Variants in SMIM10L3 observed in about 807,000 individuals in gnomAD.
SMIM10L3 encodes small integral membrane protein 10 like 3.
At chr7:6,335,887 G>A in the SMIM10L3 span, among the ~76,000 whole-genome samples, 1 of 151,404 alleles carries the variant, frequency 6.6e-6, no homozygotes, top group East Asian at 1.9e-4. Context: ...AATTTTAAAA[G>A]AGTGGCCGGG....
chr7:6,333,772 C>CTTTT, the SMIM10L3 span, among the ~76,000 whole-genome samples: 2 of 125,076 alleles, frequency 1.6e-5, no homozygotes, highest in African/African-American at 2.9e-5. Flanking sequence ...GAACAAGTGT[C>CTTTT]TTTTTTTTTT....
chr7:6,347,871 T>C, the SMIM10L3 span, among the ~76,000 whole-genome samples: 1 of 139,602 alleles, frequency 7.2e-6, no homozygotes, highest in African/African-American at 2.7e-5. Context: ...CTGGGCAACA[T>C]AACGAGACCC....
At chr7:6,343,662 G>T in the SMIM10L3 span, among the ~76,000 whole-genome samples, 1 of 151,836 alleles carries the variant, frequency 6.6e-6, no homozygotes, top group African/African-American at 2.4e-5. Context: ...AGGCTTGCTT[G>T]CAAATAGTAT....
chr7:6,330,597 A>G, the SMIM10L3 span: 1 of 1,614,150 alleles, frequency 6.2e-7, no homozygotes, highest in East Asian at 2.2e-5. Flanking sequence ...AGTGCAGGCA[A>G]GCGGGTTCCA....
At chr7:6,348,707 C>A in the SMIM10L3 span, 2 of 425,696 alleles carry the variant, frequency 4.7e-6, no homozygotes, top group Non-Finnish European at 8.3e-6. Flanking sequence ...TAGGAGCGGG[C>A]GGCGGCCGAG....
At chr7:6,344,254 G>A in the SMIM10L3 span, among the ~76,000 whole-genome samples, 2 of 151,914 alleles carry the variant, frequency 1.3e-5, no homozygotes, top group Admixed American at 6.6e-5. Flanking sequence ...CTTCAAATCA[G>A]GTAAGTTAGT....
At chr7:6,343,801 G>A in the SMIM10L3 span, among the ~76,000 whole-genome samples, 1 of 152,058 alleles carries the variant, frequency 6.6e-6, no homozygotes, top group African/African-American at 2.4e-5. Context: ...ATCTAGGGAG[G>A]AGGGGCTCCC....
the SMIM10L3 span, among the ~76,000 whole-genome samples, chr7:6,343,363 G>A: frequency 7.0e-6 from 1 of 143,552 alleles, no homozygotes; most frequent in South Asian, 2.1e-4. Flanking sequence ...AGCCACAAGA[G>A]TGAAACTCCG....
At chr7:6,332,035 C>G in the SMIM10L3 span, among the ~76,000 whole-genome samples, 28 of 151,212 alleles carry the variant, frequency 1.9e-4, 1 homozygote, top group Admixed American at 1.7e-3. Flanking sequence ...TCGCTTGAAC[C>G]CAGGAGGTGG....
chr7:6,341,027 C>T, the SMIM10L3 span, among the ~76,000 whole-genome samples: 1 of 149,672 alleles, frequency 6.7e-6, no homozygotes, highest in South Asian at 2.1e-4. Context: ...ACCTACAGTC[C>T]CAGCTACTCG....
chr7:6,332,210 T>C, the SMIM10L3 span, among the ~76,000 whole-genome samples: 1 of 152,108 alleles, frequency 6.6e-6, no homozygotes, highest in African/African-American at 2.4e-5. Context: ...TATGTAATTT[T>C]ATAGGGACCA....
At chr7:6,339,115 A>G in the SMIM10L3 span, among the ~76,000 whole-genome samples, 1 of 152,212 alleles carries the variant, frequency 6.6e-6, no homozygotes, top group African/African-American at 2.4e-5. Flanking sequence ...CTGAATCATG[A>G]TCACAAGGAA....
chr7:6,333,360 A>G, the SMIM10L3 span, among the ~76,000 whole-genome samples: 1 of 152,092 alleles, frequency 6.6e-6, no homozygotes, highest in African/African-American at 2.4e-5. Context: ...TTTCAGATAA[A>G]TTATTCTGGC....
At chr7:6,338,257 T>C in the SMIM10L3 span, among the ~76,000 whole-genome samples, 1 of 152,174 alleles carries the variant, frequency 6.6e-6, no homozygotes, top group Admixed American at 6.6e-5. Flanking sequence ...ATTTATGAGT[T>C]TTTTCATAGT....
chr7:6,331,443 G>GT, the SMIM10L3 span, among the ~76,000 whole-genome samples: 1 of 152,184 alleles, frequency 6.6e-6, no homozygotes. Context: ...GATTACAGGT[G>GT]TGAGCCACCA....
chr7:6,348,882 G>GGGCC, the SMIM10L3 span: 48 of 387,418 alleles, frequency 1.2e-4, 1 homozygote, highest in South Asian at 2.0e-3. Context: ...GCGGGCGGGC[G>GGGCC]GGCCGCAGTG....
the SMIM10L3 span, among the ~76,000 whole-genome samples, chr7:6,337,224 A>G: frequency 2.5e-3 from 387 of 152,202 alleles, 1 homozygote; most frequent in African/African-American, 9.0e-3. Flanking sequence ...GGTGTATGCC[A>G]CCATGGCCCT....
the SMIM10L3 span, chr7:6,348,919 A>G: frequency 2.6e-6 from 1 of 384,774 alleles, no homozygotes; most frequent in Non-Finnish European, 4.6e-6. Context: ...TCACGCTCGG[A>G]GAAGTGCCTC....
the SMIM10L3 span, among the ~76,000 whole-genome samples, chr7:6,341,533 T>C: frequency 6.7e-6 from 1 of 148,168 alleles, no homozygotes; most frequent in East Asian, 2.0e-4. Flanking sequence ...AAAAAAATTT[T>C]TTTTAAATTA....
Sources: gnomAD v4.1 joint callset for allele counts (sites outside exome capture counted in the v4.1 genomes callset) on GRCh38, gnomAD v4.1.1 for gene constraint, MANE v1.5 for transcripts, NCBI Gene and HGNC (gene_info 2026-07-23, HGNC 2026-07-21) for gene names.